ADCY1: variants seen among roughly 807,000 people sequenced by gnomAD.
ADCY1 encodes adenylate cyclase type 1.
A neutral mutation model predicts 105.4 loss-of-function variants in ADCY1; 28 were observed. The ratio of observed to expected loss-of-function variants is 0.27; its 90% CI spans 0.20 to 0.36. The LOEUF is 0.36. Among genes scored for constraint, ADCY1 ranks in the 10% least tolerant of loss-of-function variants. ADCY1 has a pLI of 1.00. For missense variants in ADCY1, 977 were observed against 1,434.2 expected (o/e 0.68, Z 5.15); for synonymous variants, 655 against 623.8 (o/e 1.05, Z -0.75).
chr7:45,644,527 C>T (rs1016334663), intron 4 of ADCY1, among the ~76,000 whole-genome samples: 18 of 152,228 alleles, frequency 1.2e-4, no homozygotes, highest in Admixed American at 6.5e-5. Context: ...GATTCTCCTG[C>T]AGTGGCTCTG....
At chr7:45,711,678 T>C (rs1785238082) in intron 19 of ADCY1, among the ~76,000 whole-genome samples, 2 of 141,978 alleles carry the variant, frequency 1.4e-5, no homozygotes, top group Admixed American at 1.4e-4. Context: ...CATATACACA[T>C]ATATACACAC....
intron 4 of ADCY1, among the ~76,000 whole-genome samples, chr7:45,632,454 CTG>C (rs1794283192): frequency 6.6e-6 from 1 of 151,354 alleles, no homozygotes. Flanking sequence ...TTCACGAACA[CTG>C]TATGTTTATT....
intron 4 of ADCY1, among the ~76,000 whole-genome samples, chr7:45,628,542 G>A (rs1794130989): frequency 6.6e-6 from 1 of 152,136 alleles, no homozygotes; most frequent in African/African-American, 2.4e-5. Context: ...GGGAACATGG[G>A]GAGTATATGA....
chr7:45,631,657 T>C lies in ADCY1; in HGVS notation c.1020+8914T>C, dbSNP rs1794261435. Among the ~76,000 whole-genome samples the C allele has an allele frequency of 2.0e-5, 3 of 152,224 alleles. No homozygotes were observed. The South Asian group carries it at 6.2e-4, about 32-fold the overall frequency. ...ATTATCAGATTAATGTTTAATAAGGTGAAAACACAACATAGTGTATTCATA... is the reference window on the plus strand; with the variant it reads ...ATTATCAGATTAATGTTTAATAAGGCGAAAACACAACATAGTGTATTCATA... On this transcript the variant is annotated intron_variant, in intron 4 of 19. Transcript: ENST00000297323.
intron 5 of ADCY1, among the ~76,000 whole-genome samples, chr7:45,655,153 T>C (rs1157425995): frequency 6.6e-6 from 1 of 152,222 alleles, no homozygotes; most frequent in East Asian, 1.9e-4. Context: ...AGTGAATGAA[T>C]GTATGCTTAC....
intron 7 of ADCY1, among the ~76,000 whole-genome samples, chr7:45,660,790 G>C (rs1421731035): frequency 1.3e-5 from 2 of 151,022 alleles, no homozygotes; most frequent in Non-Finnish European, 1.5e-5. Flanking sequence ...CTCAGGTGAG[G>C]GTGCAGGGCT....
In ADCY1 at chr7:45,574,489, C is replaced by T; in HGVS notation, c.-55C>T. 3.8e-6 allele frequency: 3 copies of T among 793,826 alleles called. No homozygotes were observed. The highest frequency in any genetic ancestry group is 3.0e-6 in the Non-Finnish European group (2 of 659,484). 49.2% of individuals were successfully genotyped at this position (793,826 alleles called of 1,614,324 possible). ...CCCGGCGCCGCCGCCCGCGCCCCGG[C>T]GCCCCGGGCCGGCGAGGGGCGCGCC... On this transcript the variant is annotated 5_prime_UTR_variant, in exon 1 of 20. Coordinates refer to ENST00000297323, the MANE Select transcript of ADCY1 (RefSeq NM_021116.4). The surrounding 1 kb of genome is among the most constrained non-coding windows in gnomAD (Gnocchi z 7.0).
At chr7:45,704,736 A>G in intron 17 of ADCY1, 120 bp downstream of exon 17, 1 of 749,554 alleles carries the variant, frequency 1.3e-6, no homozygotes, top group African/African-American at 1.8e-5. Flanking sequence ...GGATTACAGG[A>G]GCAGCTTGAG....
chr7:45,667,319 AG>A (rs1303243984), intron 8 of ADCY1, among the ~76,000 whole-genome samples: 1 of 152,220 alleles, frequency 6.6e-6, no homozygotes, highest in Non-Finnish European at 1.5e-5. Flanking sequence ...GGCGTAAGGA[AG>A]GGGTCCAGTT....
At chr7:45,645,887 A>G (rs1794650175) in intron 4 of ADCY1, among the ~76,000 whole-genome samples, 1 of 151,582 alleles carries the variant, frequency 6.6e-6, no homozygotes, top group African/African-American at 2.4e-5. Context: ...GTGGGCTCCC[A>G]GAGGGGTCTT....
At position 45,665,799 on chromosome 7, in the gene ADCY1, T is replaced by C. The variant is rs367952337; in HGVS notation, c.1605+3585T>C. 3.3e-5 allele frequency among the ~76,000 whole-genome samples: 5 copies of C among 152,318 alleles called. No individual in the cohort carries two copies. In the East Asian group the frequency reaches 7.7e-4, roughly 23 times the overall value. On this transcript the variant is annotated intron_variant, in intron 8 of 19. Transcript: ENST00000297323. The stretch of plus-strand genomic sequence containing the variant: ...CCACTGCAGGAGGGAGGGAGGGATG[T>C]GACTTTACCACTGGCTTGTTGGTTG...
intron 2 of ADCY1, among the ~76,000 whole-genome samples, chr7:45,596,312 G>A (rs1793070782): frequency 6.6e-6 from 1 of 152,094 alleles, no homozygotes; most frequent in African/African-American, 2.4e-5. Context: ...CACAACGGGT[G>A]ATGGGAGTGG....
chr7:45,711,609 A>ATATATATATG (rs1489451424), intron 19 of ADCY1, among the ~76,000 whole-genome samples: 1 of 8,956 alleles, frequency 1.1e-4, no homozygotes, highest in Non-Finnish European at 2.7e-4. Context: ...TTCGTGCTGT[A>ATATATATATG]TATATATATA....
chr7:45,661,336 G>T (rs1238110380), intron 7 of ADCY1, among the ~76,000 whole-genome samples: 1 of 152,046 alleles, frequency 6.6e-6, no homozygotes, highest in African/African-American at 2.4e-5. Flanking sequence ...CTACCTGTAG[G>T]GGCCAGAGAA....
intron 8 of ADCY1, among the ~76,000 whole-genome samples, chr7:45,665,021 A>G (rs1350790398): frequency 6.6e-6 from 1 of 152,094 alleles, no homozygotes; most frequent in Non-Finnish European, 1.5e-5. Flanking sequence ...ATGAGTGAGA[A>G]CATGCGGTGT....
chr7:45,666,262 T>A (rs755709865), intron 8 of ADCY1, among the ~76,000 whole-genome samples: 16 of 152,286 alleles, frequency 1.1e-4, no homozygotes, highest in Non-Finnish European at 2.1e-4. Flanking sequence ...ATTAGGTATA[T>A]CTCCTAATGC....
At chr7:45,582,305 T>C (rs1792574855) in intron 1 of ADCY1, among the ~76,000 whole-genome samples, 1 of 151,904 alleles carries the variant, frequency 6.6e-6, no homozygotes, top group African/African-American at 2.4e-5. Context: ...GAGACCTGGG[T>C]TGAAGCCCAG....
chr7:45,680,975 A>G (rs572742252), intron 11 of ADCY1, among the ~76,000 whole-genome samples: 1 of 152,220 alleles, frequency 6.6e-6, no homozygotes, highest in Non-Finnish European at 1.5e-5. Context: ...GATTCTTGCG[A>G]GTGGATGTAC....
chr7:45,662,533 T>G (rs753906232), intron 8 of ADCY1, among the ~76,000 whole-genome samples: 11 of 152,296 alleles, frequency 7.2e-5, no homozygotes, highest in Middle Eastern at 3.4e-3. Context: ...ACAGATGTGC[T>G]AGGCCCTCCC....
Sources: gnomAD v4.1 joint callset for allele counts (sites outside exome capture counted in the v4.1 genomes callset) on GRCh38, gnomAD v4.1.1 for gene constraint, Gnocchi (gnomAD v3.1) non-coding constraint, MANE v1.5 for transcripts, NCBI Gene and HGNC (gene_info 2026-07-23, HGNC 2026-07-21) for gene names.